The following RNLS variants were observed in gnomAD, a reference collection of about 807,000 sequenced individuals.
RNLS encodes the protein renalase.
In RNLS, 39 loss-of-function variants were observed where a neutral mutation model predicts 39.8. The observed-to-expected ratio is 0.98, with a 90% confidence interval of 0.76 to 1.28. The LOEUF is 1.28. RNLS is among the 50% of genes most tolerant of loss of function. RNLS has a pLI of 0.00. For synonymous variants in RNLS, 147 were observed against 150.7 expected, an observed-to-expected ratio of 0.98 and a Z score of 0.18; for missense variants, 410 against 413.3, an observed-to-expected ratio of 0.99 and a Z score of 0.07.
chr10:88,512,275 C>G (rs1846165648), intron 4 of RNLS, among the ~76,000 whole-genome samples: 13 of 152,102 alleles, frequency 8.5e-5, no homozygotes. Flanking sequence ...CCTTTTATGT[C>G]AGAAATAAGT....
downstream of RNLS, among the ~76,000 whole-genome samples, chr10:88,270,927 T>C (rs1226429469): frequency 2.0e-5 from 3 of 152,206 alleles, no homozygotes; most frequent in African/African-American, 4.8e-5. Flanking sequence ...CTCAAGTTTC[T>C]AGAGAGCCAG....
chr10:88,235,267 C>CAAAAAAAAAA, the RNLS span, among the ~76,000 whole-genome samples: 4 of 61,946 alleles, frequency 6.5e-5, no homozygotes, highest in Non-Finnish European at 1.1e-4. Context: ...GACTCTATCT[C>CAAAAAAAAAA]AAAAAAAAAA....
intron 5 of RNLS, among the ~76,000 whole-genome samples, chr10:88,341,724 A>G (rs113011193): frequency 1.4e-4 from 22 of 152,274 alleles, no homozygotes; most frequent in African/African-American, 5.3e-4. Context: ...GAAGCATGAG[A>G]GGAAGACACC....
At chr10:88,265,323 C>CTTT in the RNLS span, among the ~76,000 whole-genome samples, 126 of 59,058 alleles carry the variant, frequency 2.1e-3, 1 homozygote, top group African/African-American at 5.1e-3. Flanking sequence ...CAGGGTTTTT[C>CTTT]TTTTTTTTTT....
chr10:88,189,627 T>C, the RNLS span, among the ~76,000 whole-genome samples: 1 of 152,222 alleles, frequency 6.6e-6, no homozygotes, highest in Non-Finnish European at 1.5e-5. Context: ...CCCACAGTAC[T>C]TGGTGCCTTG....
At chr10:88,267,734 A>C in the RNLS span, among the ~76,000 whole-genome samples, 2 of 152,200 alleles carry the variant, frequency 1.3e-5, no homozygotes, top group African/African-American at 4.8e-5. Context: ...ATTTTGAGTT[A>C]GGGTGCATTT....
intron 4 of RNLS, among the ~76,000 whole-genome samples, chr10:88,364,541 A>T (rs748322965): frequency 6.6e-6 from 1 of 152,158 alleles, no homozygotes; most frequent in Admixed American, 6.6e-5. Flanking sequence ...TAGAGCTCCC[A>T]TATTAGAGTT....
Position 88,326,745 on chromosome 10 carries a change from C to A in RNLS, c.701-12104G>T, listed in dbSNP as rs189744277. 3.7e-4 allele frequency among the ~76,000 whole-genome samples: 56 copies of A among 152,268 alleles called. No homozygotes were observed. In the East Asian group the frequency reaches 8.1e-3, roughly 22 times the overall value. On this transcript the variant is annotated intron_variant, in intron 5 of 6. Coordinates refer to ENST00000331772, the MANE Select transcript of RNLS (RefSeq NM_001031709.3). ...CTTCTAGATCCCAGAATGGTAGATCCAATGGCAGCTTGCACCATGCAGCTG... is the reference window on the plus strand; with the variant it reads ...CTTCTAGATCCCAGAATGGTAGATCAAATGGCAGCTTGCACCATGCAGCTG...
chr10:88,312,137 T>A (rs117938966), intron 6 of RNLS, among the ~76,000 whole-genome samples: 1,528 of 152,230 alleles, frequency 0.01, 10 homozygotes, highest in Non-Finnish European at 0.013. Context: ...AAAGGAAGAT[T>A]TTAGGTTGCA....
At chr10:88,438,708 A>G (rs921848580) in intron 4 of RNLS, among the ~76,000 whole-genome samples, 5 of 152,188 alleles carry the variant, frequency 3.3e-5, no homozygotes, top group African/African-American at 1.2e-4. Context: ...ATAAAAGAAT[A>G]CAGGTGATAA....
chr10:88,350,989 G>T (rs1223734304), intron 5 of RNLS, among the ~76,000 whole-genome samples: 1 of 152,112 alleles, frequency 6.6e-6, no homozygotes, highest in Non-Finnish European at 1.5e-5. Flanking sequence ...CCAGTGATAA[G>T]GAGCATTTTT....
At chr10:88,374,713 A>G (rs762372033) in intron 4 of RNLS, among the ~76,000 whole-genome samples, 2 of 152,156 alleles carry the variant, frequency 1.3e-5, no homozygotes, top group African/African-American at 4.8e-5. Context: ...AAATGGAGCT[A>G]GTCTCACTGA....
intron 4 of RNLS, among the ~76,000 whole-genome samples, chr10:88,554,527 C>T (rs578223879): frequency 6.6e-6 from 1 of 152,138 alleles, no homozygotes; most frequent in East Asian, 1.9e-4. Flanking sequence ...CAGAACACTT[C>T]CCCTCTCTCT....
intron 4 of RNLS, among the ~76,000 whole-genome samples, chr10:88,386,658 G>A (rs542990633): frequency 6.6e-6 from 1 of 152,318 alleles, no homozygotes; most frequent in African/African-American, 2.4e-5. Context: ...TGGGTCCTCT[G>A]AAAAGGGTGG....
At chr10:88,305,351 A>G (rs1365875154) in intron 6 of RNLS, among the ~76,000 whole-genome samples, 1 of 152,198 alleles carries the variant, frequency 6.6e-6, no homozygotes, top group Admixed American at 6.5e-5. Flanking sequence ...ATATCAGTAC[A>G]AAACTTGAAT....
chr10:88,443,420 C>T lies in RNLS; in HGVS notation c.527-80695G>A, dbSNP rs540916288. On this transcript the variant is annotated intron_variant, in intron 4 of 6. Coordinates refer to ENST00000331772, the MANE Select transcript of RNLS (RefSeq NM_001031709.3). ...AGAAGACGGGTGATTTCTGCATTTC[C>T]AACTGAGGTACCGGGTTCATCTCAC... 5.2e-4 allele frequency among the ~76,000 whole-genome samples: 79 copies of T among 152,276 alleles called. 1 individual carries two copies. Among genetic ancestry groups the T allele is most frequent in the African/African-American group, 1.7e-3 (72 of 41,562 alleles).
the RNLS span, among the ~76,000 whole-genome samples, chr10:88,178,306 C>G: frequency 6.6e-6 from 1 of 152,154 alleles, no homozygotes; most frequent in Non-Finnish European, 1.5e-5. Flanking sequence ...GGTTTCTTTG[C>G]TCTCAAAATG....
At chr10:88,286,043 A>ATCTTGC (rs1161073507) in intron 6 of RNLS, among the ~76,000 whole-genome samples, 1 of 152,068 alleles carries the variant, frequency 6.6e-6, no homozygotes, top group Non-Finnish European at 1.5e-5. Flanking sequence ...CAGTGCCTTG[A>ATCTTGC]TCTTGCTCTT....
intron 4 of RNLS, among the ~76,000 whole-genome samples, chr10:88,514,619 T>C (rs978251736): frequency 6.6e-6 from 1 of 152,124 alleles, no homozygotes; most frequent in African/African-American, 2.4e-5. Context: ...TCTGTTTTCT[T>C]GCGTTTGACT....
Sources: gnomAD v4.1 joint callset for allele counts (sites outside exome capture counted in the v4.1 genomes callset) on GRCh38, gnomAD v4.1.1 for gene constraint, MANE v1.5 for transcripts, NCBI Gene and HGNC (gene_info 2026-07-23, HGNC 2026-07-21) for gene names.